IKZF3: variants seen among roughly 807,000 people sequenced by gnomAD.
The protein encoded by IKZF3 is IKAROS family zinc finger 3, also known as zinc finger protein Aiolos.
IKZF3 carries 10 observed loss-of-function variants against 49.0 expected under a neutral mutation model. That is an observed-to-expected ratio of 0.20 (90% CI 0.13 to 0.35). IKZF3 has a LOEUF of 0.35. Among genes scored for constraint, IKZF3 ranks in the 10% least tolerant of loss-of-function variants. IKZF3 has a pLI of 1.00. For missense variants in IKZF3, 498 were observed against 664.8 expected, an observed-to-expected ratio of 0.75 and a Z score of 2.76; for synonymous variants, 209 against 228.2, an observed-to-expected ratio of 0.92 and a Z score of 0.76.
rs867276589 is a variant in IKZF3 at position 39,810,012 on chromosome 17, T to C, written c.164-17079A>G. 8.5e-5 allele frequency among the ~76,000 whole-genome samples: 13 copies of C among 152,314 alleles called. 1 individual carries two copies. In the Middle Eastern group the frequency reaches 0.01, roughly 120 times the overall value. Reference sequence around the variant, plus strand: ...GATCTTTTTAATCTTTTTTAGGTTGTGAACATCTTTGAGAACTGTACTCTT... The same window carrying C: ...GATCTTTTTAATCTTTTTTAGGTTGCGAACATCTTTGAGAACTGTACTCTT... On this transcript the variant is annotated intron_variant, in intron 3 of 7. Transcript: ENST00000346872.
Position 39,766,035 on chromosome 17 carries a change from TGAG to T in IKZF3, c.1282_1284del (p.Leu428del), listed in dbSNP as rs1400960593. The T allele has an allele frequency of 1.2e-6, 2 of 1,614,064 alleles. No individual in the cohort carries two copies. The highest frequency in any genetic ancestry group is 1.3e-5 in the African/African-American group (1 of 74,918). ...TCTCTTGGGCAGATGGGCGGGGGCT[TGAG>T]GAGTTCGTAAGAGCGGGGAACCTCC... On this transcript the variant is annotated inframe_deletion, in exon 8 of 8. Transcript: ENST00000346872.
At chr17:39,822,196 TGG>T (rs1314839456) in intron 3 of IKZF3, among the ~76,000 whole-genome samples, 3 of 152,216 alleles carry the variant, frequency 2.0e-5, no homozygotes, top group African/African-American at 7.2e-5. Context: ...CATGTGGAAC[TGG>T]CTTTGTGATA....
chr17:39,849,122 T>C (rs982144011), intron 1 of IKZF3, among the ~76,000 whole-genome samples: 5 of 152,150 alleles, frequency 3.3e-5, no homozygotes, highest in Admixed American at 6.6e-5. Flanking sequence ...AAAGTATTTG[T>C]ATTACACATC....
chr17:39,786,235 T>A (rs1428288304), intron 6 of IKZF3, among the ~76,000 whole-genome samples: 2 of 152,188 alleles, frequency 1.3e-5, no homozygotes, highest in African/African-American at 2.4e-5. Flanking sequence ...TTTTTGAAAA[T>A]TAAAAAATAT....
At chr17:39,812,978 T>C (rs2061595898) in intron 3 of IKZF3, among the ~76,000 whole-genome samples, 1 of 152,030 alleles carries the variant, frequency 6.6e-6, no homozygotes. Flanking sequence ...GGCGGGCGCC[T>C]GTAGTCCCAG....
chr17:39,863,893 T>C (rs925657589), intron 1 of IKZF3, among the ~76,000 whole-genome samples: 4 of 152,194 alleles, frequency 2.6e-5, no homozygotes, highest in African/African-American at 9.7e-5. Flanking sequence ...GACAACTCTT[T>C]AGAAATAAAA....
intron 1 of IKZF3, among the ~76,000 whole-genome samples, chr17:39,860,147 T>C (rs2063176639): frequency 6.6e-6 from 1 of 152,138 alleles, no homozygotes; most frequent in Admixed American, 6.5e-5. Flanking sequence ...TGGATGCCTG[T>C]AGTCCTAGCT....
At chr17:39,841,344 C>A (rs1381473964) in intron 1 of IKZF3, among the ~76,000 whole-genome samples, 1 of 151,986 alleles carries the variant, frequency 6.6e-6, no homozygotes, top group Admixed American at 6.6e-5. Context: ...GCTGGCAGCC[C>A]CCACTAGAGG....
At position 39,788,415 on chromosome 17, in the gene IKZF3, G is replaced by T. The variant is rs775531729; in HGVS notation, c.593-41C>A. On this transcript the variant is annotated intron_variant, in intron 5 of 7. Coordinates refer to ENST00000346872, the MANE Select transcript of IKZF3 (RefSeq NM_012481.5). ...AAGGGGCACTCAGTGACCCTCAGGG[G>T]TTCCACACAGGTCAGGTATTGGGGC... is the stretch of plus-strand genomic sequence containing the variant. 10 of 1,295,062 alleles carry T rather than the reference G, an allele frequency of 7.7e-6. No homozygotes were observed. In the South Asian group the frequency reaches 1.2e-4, roughly 15 times the overall value. 80.2% of individuals were successfully genotyped at this position (1,295,062 alleles called of 1,614,324 possible). A position where few individuals can be genotyped will look rare whatever the true frequency, so the allele number is the denominator to read the frequency against.
chr17:39,829,853 G>A lies in IKZF3; in HGVS notation c.62-365C>T, dbSNP rs138214281. Among the ~76,000 whole-genome samples the A allele has an allele frequency of 8.5e-3, 1,299 of 152,308 alleles. 3 individuals are homozygous for A. The highest frequency in any genetic ancestry group is 0.014 in the Non-Finnish European group (923 of 68,020). On this transcript the variant is annotated intron_variant, in intron 2 of 7. Transcript: ENST00000346872. The stretch of plus-strand genomic sequence containing the variant: ...TGTAATCCCAGCTACTCGGGAGGCT[G>A]AGGCAGGAGAATCACTTGAACTCGG...
At chr17:39,796,286 A>G (rs1407149570) in intron 3 of IKZF3, among the ~76,000 whole-genome samples, 1 of 152,192 alleles carries the variant, frequency 6.6e-6, no homozygotes, top group African/African-American at 2.4e-5. Flanking sequence ...CAAACTTGTC[A>G]TCTTTGAACC....
At chr17:39,846,488 T>G (rs1480825824) in intron 1 of IKZF3, among the ~76,000 whole-genome samples, 3 of 104,410 alleles carry the variant, frequency 2.9e-5, no homozygotes, top group Non-Finnish European at 6.5e-5. Flanking sequence ...GATACCAAGG[T>G]TTTTTTTTTT....
chr17:39,769,451 CCT>C (rs1440374014), intron 7 of IKZF3, among the ~76,000 whole-genome samples: 1 of 152,050 alleles, frequency 6.6e-6, no homozygotes, highest in African/African-American at 2.4e-5. Flanking sequence ...ACGAAAATAC[CCT>C]GTCTTGGAAA....
chr17:39,792,851 C>A lies in IKZF3; in HGVS notation c.246G>T (p.Glu82Asp), dbSNP rs145824904. ...LKSEPMGNAE[E>D]PEIPYSYSRE... is the part of the protein sequence containing the mutation. ...TTGAATAGCTGTAAGGGATTTCAGG[C>A]TCTTCTGCATTTCCCATGGGTTCTG... The change falls in exon 4 of 8, where the codon GAG becomes GAT. Residue 82 changes from glutamate (E) to aspartate (D), a missense_variant. Glu to Asp is a conservative substitution (Grantham distance 45, BLOSUM62 2). Transcript: ENST00000346872. 2.8e-5 allele frequency: 45 copies of A among 1,614,058 alleles called. No individual in the cohort carries two copies. In the African/African-American group the frequency reaches 5.6e-4, roughly 20 times the overall value.
chr17:39,856,439 A>G (rs1275769361), intron 1 of IKZF3, among the ~76,000 whole-genome samples: 1 of 151,994 alleles, frequency 6.6e-6, no homozygotes, highest in African/African-American at 2.4e-5. Flanking sequence ...CACCCAGCTA[A>G]TTTTCATATT....
chr17:39,777,774 TG>T lies in IKZF3; in HGVS notation c.710-8del. 6.2e-7 allele frequency: 1 copy of T among 1,608,016 alleles called. No individual in the cohort carries two copies. The highest frequency in any genetic ancestry group is 8.5e-7 in the Non-Finnish European group (1 of 1,177,746). ...TGTCTTGCCTCCGCACTTGCTAGTTTGGAAAAATGTAAAAAGAAGAGAGAAA... is the reference window on the plus strand; with the variant it reads ...TGTCTTGCCTCCGCACTTGCTAGTTTGAAAAATGTAAAAAGAAGAGAGAAA... On this transcript the variant is annotated splice_region_variant and splice_polypyrimidine_tract_variant and intron_variant, in intron 6 of 7. Coordinates refer to ENST00000346872, the MANE Select transcript of IKZF3 (RefSeq NM_012481.5).
rs2060239143 is a variant in IKZF3, at chr17:39,764,208, A to G, written c.*1582T>C. 6.6e-6 allele frequency: 1 copy of G among 152,076 alleles called. No individual in the cohort carries two copies. The highest frequency in any genetic ancestry group is 2.4e-5 in the African/African-American group (1 of 41,442). The allele number at this position is 152,076 out of a possible 1,614,324, so 9.4% of individuals were successfully genotyped here. On this transcript the variant is annotated 3_prime_UTR_variant, in exon 8 of 8. Coordinates refer to ENST00000346872, the MANE Select transcript of IKZF3 (RefSeq NM_012481.5). ...GCTGGGTGTGGTGGCTCACACCTGT[A>G]ATCCCAGCACTTTAGGAGGCTGAGG...
At chr17:39,819,884 G>C (rs1390121231) in intron 3 of IKZF3, among the ~76,000 whole-genome samples, 1 of 152,024 alleles carries the variant, frequency 6.6e-6, no homozygotes, top group Non-Finnish European at 1.5e-5. Context: ...GCCCAGGCTG[G>C]TCTCGAACTC....
chr17:39,845,086 G>T (rs2062591194), intron 1 of IKZF3, among the ~76,000 whole-genome samples: 1 of 152,146 alleles, frequency 6.6e-6, no homozygotes, highest in African/African-American at 2.4e-5. Context: ...CGCACTAGAT[G>T]GTTTTGCAAA....
Sources: allele counts gnomAD v4.1 joint callset (sites outside exome capture counted in the v4.1 genomes callset), GRCh38; gene constraint gnomAD v4.1.1; transcripts MANE v1.5; gene names NCBI Gene and HGNC (gene_info 2026-07-23, HGNC 2026-07-21).